AKAP8: variants seen among roughly 807,000 people sequenced by gnomAD.
AKAP8 encodes the protein A-kinase anchoring protein 8, also known as A-kinase anchor protein 8.
A neutral mutation model predicts 67.5 loss-of-function variants in AKAP8; 24 were observed. The ratio of observed to expected loss-of-function variants is 0.36; its 90% CI spans 0.26 to 0.50. The LOEUF is 0.50. Ranked by LOEUF, AKAP8 falls within the 20% of genes least tolerant of loss-of-function variation. AKAP8 has a pLI of 0.97. For missense variants in AKAP8, 971 were observed against 955.9 expected (o/e 1.02, Z -0.21); for synonymous variants, 400 against 371.1 (o/e 1.08, Z -0.90).
intron 8 of AKAP8, 185 bp from the exon 9 acceptor site, chr19:15,368,507 T>A (rs558427623): frequency 4.1e-6 from 4 of 984,990 alleles, no homozygotes; most frequent in Non-Finnish European, 3.6e-6. Flanking sequence ...GGGCCTGGAG[T>A]GAGAGCCCGG....
At chr19:15,364,897 G>A (rs548053200) in intron 9 of AKAP8, among the ~76,000 whole-genome samples, 4 of 152,220 alleles carry the variant, frequency 2.6e-5, no homozygotes, top group African/African-American at 7.2e-5. Context: ...GGGATTAGAG[G>A]TGCATGCCAC....
At chr19:15,371,478 TG>T (rs1967156445) in intron 7 of AKAP8, among the ~76,000 whole-genome samples, 1 of 152,002 alleles carries the variant, frequency 6.6e-6, no homozygotes, top group Non-Finnish European at 1.5e-5. Context: ...GAATGTTTGT[TG>T]TAAGTTGAAA....
chr19:15,368,729 G>T, intron 8 of AKAP8: 1 of 985,376 alleles, frequency 1.0e-6, no homozygotes, highest in Middle Eastern at 5.2e-4. Context: ...GCCTCAGGAA[G>T]TGAAGCAGCT....
intron 2 of AKAP8, among the ~76,000 whole-genome samples, chr19:15,375,590 T>C (rs1320571960): frequency 1.3e-5 from 2 of 152,102 alleles, no homozygotes; most frequent in Admixed American, 1.3e-4. Flanking sequence ...CACATCAACA[T>C]TGCCTGATTA....
At chr19:15,370,539 C>T (rs1421936649) in intron 7 of AKAP8, among the ~76,000 whole-genome samples, 2 of 151,970 alleles carry the variant, frequency 1.3e-5, no homozygotes, top group Non-Finnish European at 2.9e-5. Flanking sequence ...GATAGAGTCT[C>T]ACTTGGGGGA....
chr19:15,354,658 A>C lies in AKAP8; in HGVS notation c.*257T>G. The stretch of plus-strand genomic sequence containing the variant: ...ATAATCACCCAACCTTTATTATTCC[A>C]AGTGCACTACTGTCAAGAGACATGT... On this transcript the variant is annotated 3_prime_UTR_variant, in exon 14 of 14. Transcript: ENST00000269701. 1 of 507,112 alleles carries C rather than the reference A, an allele frequency of 2.0e-6. No homozygotes were observed. Among genetic ancestry groups the C allele is most frequent in the East Asian group, 3.1e-5 (1 of 32,058 alleles). The allele number at this position is 507,112 out of a possible 1,614,324, so 31.4% of individuals were successfully genotyped here.
intron 4 of AKAP8, 134 bp downstream of exon 4, chr19:15,373,652 C>T (rs922191537): frequency 1.7e-5 from 20 of 1,169,734 alleles, no homozygotes; most frequent in Admixed American, 5.7e-5. Context: ...TGACCCCCCA[C>T]GAGCCCAACT....
At chr19:15,379,175 G>A (rs1967319421) in intron 1 of AKAP8, 2 of 152,962 alleles carry the variant, frequency 1.3e-5, no homozygotes, top group Non-Finnish European at 2.9e-5. Flanking sequence ...CAGGCGCCCT[G>A]GGCCACGTGA....
intron 11 of AKAP8, chr19:15,361,512 G>A (rs953390368): frequency 4.0e-5 from 18 of 446,112 alleles, no homozygotes; most frequent in African/African-American, 1.6e-4. Context: ...CACCACGCCC[G>A]GCTAATTTTT....
chr19:15,374,160 A>G, intron 3 of AKAP8, 95 bp from the exon 4 acceptor site: 2 of 1,412,056 alleles, frequency 1.4e-6, no homozygotes, highest in Non-Finnish European at 1.9e-6. Flanking sequence ...GCCACGGAGA[A>G]GGAAAACGGG....
chr19:15,358,325 T>C (rs374370988), intron 13 of AKAP8, among the ~76,000 whole-genome samples: 3 of 152,046 alleles, frequency 2.0e-5, no homozygotes, highest in East Asian at 3.9e-4. Flanking sequence ...TCTTTTTAGC[T>C]TCTCTCCTGG....
intron 12 of AKAP8, among the ~76,000 whole-genome samples, chr19:15,359,799 A>C (rs1475965628): frequency 6.6e-6 from 1 of 152,146 alleles, no homozygotes; most frequent in Non-Finnish European, 1.5e-5. Context: ...ACTTGTTTGC[A>C]CAATGGTCCC....
At chr19:15,370,554 A>AGTTCTGG (rs1967137861) in intron 7 of AKAP8, among the ~76,000 whole-genome samples, 1 of 150,846 alleles carries the variant, frequency 6.6e-6, no homozygotes, top group African/African-American at 2.4e-5. Context: ...GGGGGATGCC[A>AGTTCTGG]GTTCTGGCAT....
In AKAP8 at chr19:15,356,475, T is replaced by C. The variant is rs531956391; in HGVS notation, c.1624-1105A>G. Among the ~76,000 whole-genome samples the C allele has an allele frequency of 2.1e-4, 32 of 151,612 alleles. 1 individual carries two copies. Among genetic ancestry groups the C allele is most frequent in the Non-Finnish European group, 4.4e-5 (3 of 67,854 alleles). On this transcript the variant is annotated intron_variant, in intron 13 of 13. Transcript: ENST00000269701. ...AGGAAGTTAACACTACGTAATATTT[T>C]AGTTTCATTAAGGTACAGTGGCTCA...
intron 3 of AKAP8, 122 bp downstream of exon 3, chr19:15,374,481 C>A: frequency 8.2e-7 from 1 of 1,223,406 alleles, no homozygotes; most frequent in Admixed American, 2.5e-5. Flanking sequence ...CCGTGGCTGA[C>A]TGCGTCCTCA....
At chr19:15,373,642 T>C (rs1038254453) in intron 4 of AKAP8, 144 bp downstream of exon 4, 2 of 1,094,808 alleles carry the variant, frequency 1.8e-6, no homozygotes, top group Non-Finnish European at 2.5e-6. Flanking sequence ...GTAACATCAC[T>C]GACCCCCCAC....
intron 7 of AKAP8, 65 bp downstream of exon 7, chr19:15,371,887 G>A: frequency 6.4e-7 from 1 of 1,557,828 alleles, no homozygotes; most frequent in Admixed American, 1.7e-5. Context: ...CCCTTTGTGA[G>A]GAAGGGTGAT....
chr19:15,360,627 A>G (rs779153233), intron 12 of AKAP8, among the ~76,000 whole-genome samples: 3 of 152,224 alleles, frequency 2.0e-5, no homozygotes, highest in African/African-American at 2.4e-5. Context: ...TGGAAACACT[A>G]TCAGGAGAAT....
rs555991465 is a variant in AKAP8, at chr19:15,372,917, G to A, written c.795C>T (p.Gly265=). 32 of 1,522,578 alleles carry A rather than the reference G, an allele frequency of 2.1e-5. No homozygotes were observed. The highest frequency in any genetic ancestry group is 6.8e-5 in the East Asian group (3 of 44,042). The allele number at this position is 1,522,578 out of a possible 1,614,324, so 94.3% of individuals were successfully genotyped here. ...CGTAGGGCATGGTGCTGTCATAGCC[G>A]CCCGCCCCCTGCATGCCCATCACGC... ...DYGVMGMQGA[G]GYDSTMPYGC... is the part of the protein sequence containing the mutation. The change falls in exon 5 of 14, where the codon GGC becomes GGT. Residue 265 remains glycine, a synonymous_variant. Coordinates refer to ENST00000269701, the MANE Select transcript of AKAP8 (RefSeq NM_005858.4).
Sources: allele counts gnomAD v4.1 joint callset (sites outside exome capture counted in the v4.1 genomes callset), GRCh38; gene constraint gnomAD v4.1.1; transcripts MANE v1.5; gene names NCBI Gene and HGNC (gene_info 2026-07-23, HGNC 2026-07-21).